RPS19: variants seen among roughly 807,000 people sequenced by gnomAD.
The protein encoded by RPS19 is ribosomal protein S19.
Under a neutral mutation model 20.3 loss-of-function variants are expected in RPS19, and 1 was observed. The ratio of observed to expected loss-of-function variants is 0.05; its 90% confidence interval spans 0.02 to 0.23. RPS19 has a LOEUF of 0.23. Among genes scored for constraint, RPS19 ranks in the 10% least tolerant of loss-of-function variants. The pLI, the probability that RPS19 is intolerant of heterozygous loss-of-function variation, is 1.00. For missense variants in RPS19, 111 were observed against 192.7 expected, an observed-to-expected ratio of 0.58 and a Z score of 2.51; for synonymous variants, 87 against 74.8, an observed-to-expected ratio of 1.16 and a Z score of -0.84.
intron 3 of RPS19, among the ~76,000 whole-genome samples, chr19:41,865,704 T>G (rs2074078495): frequency 6.6e-6 from 1 of 151,938 alleles, no homozygotes; most frequent in African/African-American, 2.4e-5. Context: ...ATCCCAGCAC[T>G]TTCGGAGGCC....
intron 1 of RPS19, 80 bp from the exon 2 acceptor site, chr19:41,860,695 G>T: frequency 9.5e-7 from 1 of 1,054,096 alleles, no homozygotes; most frequent in Non-Finnish European, 1.5e-6. Flanking sequence ...GCGCTGGAGC[G>T]AAAGGATTGG....
chr19:41,867,232 C>T (rs531931695), intron 3 of RPS19, among the ~76,000 whole-genome samples: 1 of 151,816 alleles, frequency 6.6e-6, no homozygotes, highest in East Asian at 1.9e-4. Context: ...TACCACTGCA[C>T]TCCAGCCTGG....
At chr19:41,870,790 A>C (rs1438827301) in intron 5 of RPS19, among the ~76,000 whole-genome samples, 1 of 135,012 alleles carries the variant, frequency 7.4e-6, no homozygotes, top group South Asian at 2.6e-4. Flanking sequence ...TGGTGGTTGG[A>C]TGTTGGCCTT....
chr19:41,868,620 G>A (rs1555841184), intron 3 of RPS19, among the ~76,000 whole-genome samples: 1 of 152,180 alleles, frequency 6.6e-6, no homozygotes, highest in East Asian at 1.9e-4. Flanking sequence ...ACTGCACAGA[G>A]TGTCTGCCCT....
At chr19:41,866,085 C>A (rs1424009233) in intron 3 of RPS19, among the ~76,000 whole-genome samples, 3 of 151,634 alleles carry the variant, frequency 2.0e-5, no homozygotes, top group African/African-American at 7.3e-5. Flanking sequence ...AACCCCATCT[C>A]TACTAAAAAT....
chr19:41,870,848 C>CTTTTTT lies in RPS19; in HGVS notation c.412-503_412-502insTTTTTT, dbSNP rs2074139987. Among the ~76,000 whole-genome samples the CTTTTTT allele has an allele frequency of 1.4e-4, 12 of 85,762 alleles. 3 individuals carry two copies. Among genetic ancestry groups the CTTTTTT allele is most frequent in the Non-Finnish European group, 1.3e-4 (6 of 45,008 alleles). 56.3% of individuals were successfully genotyped at this position (85,762 alleles called of 152,430 possible). On this transcript the variant is annotated intron_variant, in intron 5 of 5. Coordinates refer to ENST00000598742, the MANE Select transcript of RPS19 (RefSeq NM_001022.4). ...TTGGACTCCACTCCGCCACTCCCTTCCTTTTTTTTTTTTTTTTTTTTTTTT... is the reference window on the plus strand; with the variant it reads ...TTGGACTCCACTCCGCCACTCCCTTCTTTTTTCTTTTTTTTTTTTTTTTTTTTTTTT...
chr19:41,868,232 C>T (rs1555841106), intron 3 of RPS19, among the ~76,000 whole-genome samples: 4 of 152,206 alleles, frequency 2.6e-5, no homozygotes, highest in South Asian at 2.1e-4. Context: ...ATGTGGGCCC[C>T]GGTGCCATCA....
chr19:41,869,577 C>G, intron 4 of RPS19, 122 bp from the exon 5 acceptor site: 1 of 1,029,030 alleles, frequency 9.7e-7, no homozygotes, highest in East Asian at 2.4e-5. Context: ...GACTAGGGCC[C>G]TCAGTGGGAC....
At chr19:41,865,220 C>T (rs1319382754) in intron 3 of RPS19, among the ~76,000 whole-genome samples, 4 of 152,046 alleles carry the variant, frequency 2.6e-5, no homozygotes, top group African/African-American at 9.7e-5. Flanking sequence ...TAAAAATTAG[C>T]CAGGCGTGGT....
At chr19:41,868,365 G>A (rs2074110390) in intron 3 of RPS19, among the ~76,000 whole-genome samples, 1 of 152,218 alleles carries the variant, frequency 6.6e-6, no homozygotes, top group South Asian at 2.1e-4. Flanking sequence ...AGTCCTCAGA[G>A]TAACCCGGCC....
intron 3 of RPS19, among the ~76,000 whole-genome samples, chr19:41,867,433 C>T (rs572955999): frequency 1.3e-5 from 2 of 152,284 alleles, no homozygotes; most frequent in African/African-American, 4.8e-5. Flanking sequence ...CTCAGCCTCC[C>T]AGGTAGCTGG....
At chr19:41,862,462 C>G (rs2074041961) in intron 3 of RPS19, among the ~76,000 whole-genome samples, 1 of 152,108 alleles carries the variant, frequency 6.6e-6, no homozygotes, top group Non-Finnish European at 1.5e-5. Flanking sequence ...GTGACAAGCC[C>G]TGGAAGTTAC....
At position 41,871,449 on chromosome 19, in the gene RPS19, C is replaced by T. The variant is rs1282339802; in HGVS notation, c.*72C>T. 7.2e-7 allele frequency: 1 copy of T among 1,382,664 alleles called. No homozygotes were observed. Among genetic ancestry groups the T allele is most frequent in the South Asian group, 1.2e-5 (1 of 86,038 alleles). 85.6% of individuals were successfully genotyped at this position (1,382,664 alleles called of 1,614,324 possible). Reference sequence around the variant, plus strand: ...CTGGGTCTCTTTTTTGAGTCTCTTGCTCTGTCGCCCAGGCTGGAGTGCAGT... The same window carrying T: ...CTGGGTCTCTTTTTTGAGTCTCTTGTTCTGTCGCCCAGGCTGGAGTGCAGT... On this transcript the variant is annotated 3_prime_UTR_variant, in exon 6 of 6. Coordinates refer to ENST00000598742, the MANE Select transcript of RPS19 (RefSeq NM_001022.4).
intron 3 of RPS19, among the ~76,000 whole-genome samples, chr19:41,865,949 TAAAAAA>T (rs35155067): frequency 5.4e-5 from 4 of 74,504 alleles, no homozygotes; most frequent in Admixed American, 1.8e-4. Flanking sequence ...ACTCCGTCTT[TAAAAAA>T]AAAAAAAAAA....
intron 3 of RPS19, among the ~76,000 whole-genome samples, chr19:41,866,913 A>G (rs1336056215): frequency 6.6e-6 from 1 of 152,128 alleles, no homozygotes; most frequent in African/African-American, 2.4e-5. Context: ...GCTACTCTGG[A>G]GGCTGAGGCA....
intron 1 of RPS19, 68 bp downstream of exon 1, chr19:41,860,357 G>A (rs1430214186): frequency 1.9e-5 from 3 of 156,700 alleles, no homozygotes; most frequent in African/African-American, 7.2e-5. Flanking sequence ...CTCAGAGCGC[G>A]TGCCTGAGGG....
intron 4 of RPS19, chr19:41,869,492 A>G: frequency 1.6e-6 from 1 of 618,830 alleles, no homozygotes; most frequent in Non-Finnish European, 2.8e-6. Context: ...TTTGATCTAA[A>G]TGCTTGCACA....
intron 3 of RPS19, chr19:41,864,952 T>G (rs922177432): frequency 6.6e-6 from 1 of 152,174 alleles, no homozygotes; most frequent in Non-Finnish European, 1.5e-5. Context: ...TTCCAATTTG[T>G]GAAGTTAATA....
In RPS19 at chr19:41,869,761, C is replaced by T. The variant is rs2123286022; in HGVS notation, c.411+8C>T. ...GACAGAATCGCCGGACAGGTAAGGC[C>T]TGCGTTTGGGGTGGGGCTGGGTCCC... is the stretch of plus-strand genomic sequence containing the variant. On this transcript the variant is annotated splice_region_variant and intron_variant, in intron 5 of 5. Coordinates refer to ENST00000598742, the MANE Select transcript of RPS19 (RefSeq NM_001022.4). 1.2e-6 allele frequency: 2 copies of T among 1,614,068 alleles called. No homozygotes were observed. The highest frequency in any genetic ancestry group is 1.6e-4 in the Middle Eastern group (1 of 6,062).
Sources: gnomAD v4.1 joint callset for allele counts (sites outside exome capture counted in the v4.1 genomes callset) on GRCh38, gnomAD v4.1.1 for gene constraint, MANE v1.5 for transcripts, NCBI Gene and HGNC (gene_info 2026-07-23, HGNC 2026-07-21) for gene names.